Variants in PARVB observed in about 807,000 individuals in gnomAD.
PARVB encodes parvin beta, also known as beta-parvin.
A neutral mutation model predicts 47.0 loss-of-function variants in PARVB; 46 were observed. The ratio of observed to expected loss-of-function variants is 0.98; its 90% CI spans 0.77 to 1.25. The LOEUF (loss-of-function observed/expected upper bound fraction) is 1.25. Among genes scored for constraint, PARVB ranks in the 50% most tolerant of loss-of-function variants. The pLI is 0.00. For missense variants in PARVB, 473 were observed against 471.6 expected, an observed-to-expected ratio of 1.00 and a Z score of -0.03; for synonymous variants, 196 against 196.3, an observed-to-expected ratio of 1.00 and a Z score of 0.01.
At chr22:44,141,519 G>A (rs1359845660) in intron 8 of PARVB, 1 of 152,208 alleles carries the variant, frequency 6.6e-6, no homozygotes, top group African/African-American at 2.4e-5. Flanking sequence ...AGCTGATTAG[G>A]TGGTGCCCAC....
At chr22:44,007,859 C>T (rs1015255893) in intron 2 of PARVB, among the ~76,000 whole-genome samples, 2 of 152,138 alleles carry the variant, frequency 1.3e-5, no homozygotes, top group African/African-American at 4.8e-5. Context: ...AGCCACTGTT[C>T]TACTTCCTGT....
chr22:44,005,275 ATT>A (rs10711277), intron 2 of PARVB, among the ~76,000 whole-genome samples: 5,523 of 132,960 alleles, frequency 0.042, 375 homozygotes, highest in African/African-American at 0.15. Context: ...AATTTTTTCT[ATT>A]TTTTTTTTTT....
intron 10 of PARVB, 124 bp downstream of exon 10, chr22:44,151,675 G>A (rs2053813626): frequency 5.4e-6 from 4 of 736,920 alleles, no homozygotes; most frequent in South Asian, 3.0e-5. Context: ...GAACTCCCGT[G>A]GTGCAGGCAG....
intron 1 of PARVB, among the ~76,000 whole-genome samples, chr22:44,072,099 A>G (rs1303679578): frequency 6.6e-6 from 1 of 152,206 alleles, no homozygotes; most frequent in Admixed American, 6.5e-5. Context: ...GGACTTTGTA[A>G]TTGAACGGAG....
chr22:44,027,945 G>A (rs11705060), intron 1 of PARVB, among the ~76,000 whole-genome samples: 347 of 136,736 alleles, frequency 2.5e-3, no homozygotes, highest in Non-Finnish European at 3.4e-3. Context: ...ATATATTCAT[G>A]TGTGTGTATA....
In PARVB at chr22:44,103,491, G is replaced by A. The variant is rs969140789; in HGVS notation, c.273+3368G>A. 4.6e-5 allele frequency: 7 copies of A among 152,230 alleles called. No individual in the cohort carries two copies. Among genetic ancestry groups the A allele is most frequent in the Non-Finnish European group, 1.0e-4 (7 of 68,086 alleles). 9.4% of individuals were successfully genotyped at this position (152,230 alleles called of 1,614,324 possible). ...CCCTGCCAAAGAAAAGGCATCAGCA[G>A]TGAGCTTTGTCCTGGCTCTGTTTTT... On this transcript the variant is annotated intron_variant, in intron 3 of 12. Transcript: ENST00000338758. This position sits in a 1 kb window ranked among gnomAD's most constrained non-coding sequence, Gnocchi z 4.6.
intron 2 of PARVB, among the ~76,000 whole-genome samples, chr22:44,006,855 C>G (rs1488169458): frequency 6.6e-6 from 1 of 152,208 alleles, no homozygotes; most frequent in Non-Finnish European, 1.5e-5. Flanking sequence ...CTAGTAACAG[C>G]AAAGCTTTGT....
At chr22:44,129,452 T>G (rs2053262739) in intron 4 of PARVB, among the ~76,000 whole-genome samples, 1 of 152,220 alleles carries the variant, frequency 6.6e-6, no homozygotes, top group Admixed American at 6.5e-5. Context: ...GTGGCCATGT[T>G]CAGTCTGCGG....
rs941560964 is a variant in PARVB at position 44,131,101 on chromosome 22, T to C, written c.377-386T>C. ...TCTTTTTTTCTTTCTTCTCTCTCTC[T>C]CTCCTTCCTTCCTTCCTTCCTTTTT... is the stretch of plus-strand genomic sequence containing the variant. On this transcript the variant is annotated intron_variant, in intron 4 of 12. Transcript: ENST00000338758. Among the ~76,000 whole-genome samples the C allele has an allele frequency of 3.2e-5, 4 of 125,820 alleles. No individual in the cohort carries two copies. In the East Asian group the frequency reaches 8.1e-4, roughly 25 times the overall value. The allele number at this position is 125,820 out of a possible 152,430, so 82.5% of individuals were successfully genotyped here. A position where few individuals can be genotyped will look rare whatever the true frequency, so the allele number is the denominator to read the frequency against.
chr22:44,158,020 TC>T lies in PARVB; in HGVS notation c.883del (p.Leu295TrpfsTer13). On this transcript the variant is annotated frameshift_variant, in exon 11 of 13. Transcript: ENST00000338758. LOFTEE classifies it high-confidence loss of function. ...GVYLVLLMGL[L>X]EDYFVPLHHF... ...TGTACCTGGTTCTGCTCATGGGCCT[TC>T]TGGAAGACTACTTTGTTCCTCTCCA... 1 of 1,614,140 alleles carries T rather than the reference TC, an allele frequency of 6.2e-7. No individual in the cohort carries two copies. The highest frequency in any genetic ancestry group is 1.3e-5 in the African/African-American group (1 of 75,060).
At chr22:44,105,726 G>A (rs1029993510) in intron 3 of PARVB, 6 of 152,280 alleles carry the variant, frequency 3.9e-5, no homozygotes, top group African/African-American at 1.4e-4. Flanking sequence ...ATGGGGGTCT[G>A]TGTCAGCAGC....
chr22:44,167,848 C>T (rs535996735), intron 12 of PARVB, among the ~76,000 whole-genome samples: 13 of 152,182 alleles, frequency 8.5e-5, no homozygotes, highest in East Asian at 3.9e-4. Context: ...CTTTGTAAAA[C>T]GAGAGGGAAG....
At chr22:44,119,854 G>A (rs764708295) in intron 4 of PARVB, 16 of 531,380 alleles carry the variant, frequency 3.0e-5, no homozygotes, top group South Asian at 1.7e-4. Flanking sequence ...AGAGGACGCC[G>A]GCCTGGCCTG....
At chr22:44,094,233 C>A (rs572339464) in intron 2 of PARVB, among the ~76,000 whole-genome samples, 1 of 152,190 alleles carries the variant, frequency 6.6e-6, no homozygotes, top group Non-Finnish European at 1.5e-5. Context: ...AGTCTTAAAA[C>A]GTAAGTTTTA....
chr22:44,021,282 C>G (rs1294791701), upstream of PARVB, among the ~76,000 whole-genome samples: 1 of 152,200 alleles, frequency 6.6e-6, no homozygotes, highest in Non-Finnish European at 1.5e-5. Context: ...TCCCGTGACC[C>G]TCAGTCAGAC....
intron 12 of PARVB, 97 bp downstream of exon 12, chr22:44,164,027 C>A: frequency 1.2e-6 from 1 of 859,056 alleles, no homozygotes; most frequent in Non-Finnish European, 1.8e-6. Flanking sequence ...TGTTGTTCCC[C>A]AGATGGGCCC....
At chr22:44,090,330 C>G (rs1222067693) in intron 1 of PARVB, among the ~76,000 whole-genome samples, 1 of 152,240 alleles carries the variant, frequency 6.6e-6, no homozygotes, top group African/African-American at 2.4e-5. Flanking sequence ...GAAGCCTTTG[C>G]TTCCCTCAGG....
chr22:44,020,894 C>T (rs974427540), upstream of PARVB, among the ~76,000 whole-genome samples: 2 of 152,038 alleles, frequency 1.3e-5, no homozygotes, highest in African/African-American at 4.8e-5. Context: ...GATTCTCCTG[C>T]CTCAGCCTCC....
intron 1 of PARVB, chr22:44,026,364 GCTTT>G: frequency 3.0e-6 from 3 of 985,540 alleles, no homozygotes; most frequent in Non-Finnish European, 3.6e-6. Flanking sequence ...TGCTGATGCT[GCTTT>G]CGCTGGGGGT....
Sources: allele counts gnomAD v4.1 joint callset (sites outside exome capture counted in the v4.1 genomes callset), GRCh38; gene constraint gnomAD v4.1.1; non-coding constraint Gnocchi (gnomAD v3.1); transcripts MANE v1.5; gene names NCBI Gene and HGNC (gene_info 2026-07-23, HGNC 2026-07-21).